Variants in THSD7B observed in about 807,000 individuals in gnomAD.
THSD7B encodes thrombospondin type-1 domain-containing protein 7B.
THSD7B carries 138 observed loss-of-function variants against 213.6 expected under a neutral mutation model. The observed-to-expected ratio is 0.65, with a 90% confidence interval of 0.56 to 0.74. The LOEUF is 0.74. THSD7B is among the 30% of genes least tolerant of loss of function. The pLI, the probability that THSD7B is intolerant of heterozygous loss-of-function variation, is 0.00. For synonymous variants in THSD7B, 742 were observed against 687.0 expected (o/e 1.08, Z -1.25); for missense variants, 1,931 against 1,991.5 (o/e 0.97, Z 0.58).
chr2:137,030,287 A>G (rs532955085), intron 2 of THSD7B, among the ~76,000 whole-genome samples: 31 of 152,350 alleles, frequency 2.0e-4, no homozygotes, highest in African/African-American at 6.0e-4. Context: ...ATATACAAAT[A>G]GATTTAAAGA....
At chr2:137,602,772 T>C in intron 17 of THSD7B, among the ~76,000 whole-genome samples, 1 of 152,160 alleles carries the variant, frequency 6.6e-6, no homozygotes, top group East Asian at 1.9e-4. Context: ...CATGGCCTAA[T>C]TACCTCTTAA....
chr2:136,919,676 T>C (rs997339854), intron 2 of THSD7B, among the ~76,000 whole-genome samples: 12 of 152,206 alleles, frequency 7.9e-5, no homozygotes, highest in African/African-American at 2.9e-4. Flanking sequence ...TAGTTTTTCT[T>C]GGGCCTACTG....
Position 137,409,823 on chromosome 2 carries a change from G to A in THSD7B, c.2696-1786G>A, listed in dbSNP as rs183416409. Among the ~76,000 whole-genome samples the A allele has an allele frequency of 1.1e-3, 166 of 152,332 alleles. 1 individual carries two copies. The highest frequency in any genetic ancestry group is 3.8e-3 in the African/African-American group (157 of 41,580). On this transcript the variant is annotated intron_variant, in intron 13 of 27. Coordinates refer to ENST00000409968, the MANE Select transcript of THSD7B (RefSeq NM_001316349.2). ...TGGAAAGAATATTTCGAGAATGAAA[G>A]TGTAGTCAATACTCTGAACTATCAT...
chr2:137,377,337 G>A (rs549047127), intron 12 of THSD7B, among the ~76,000 whole-genome samples: 1 of 152,054 alleles, frequency 6.6e-6, no homozygotes, highest in African/African-American at 2.4e-5. Flanking sequence ...AATTTTGAAG[G>A]TCATAAGCAT....
At chr2:137,462,231 A>C (rs1034733353) in intron 15 of THSD7B, among the ~76,000 whole-genome samples, 4 of 151,994 alleles carry the variant, frequency 2.6e-5, no homozygotes, top group Non-Finnish European at 5.9e-5. Context: ...CCAGTTAGTC[A>C]CTTAGTAGTC....
intron 5 of THSD7B, among the ~76,000 whole-genome samples, chr2:137,153,434 T>A (rs1679853962): frequency 6.6e-6 from 1 of 152,210 alleles, no homozygotes; most frequent in East Asian, 1.9e-4. Flanking sequence ...TATACACACA[T>A]CTTCCTGCCA....
intron 3 of THSD7B, among the ~76,000 whole-genome samples, chr2:137,088,037 C>T (rs565838199): frequency 8.6e-5 from 13 of 151,820 alleles, no homozygotes; most frequent in African/African-American, 2.9e-4. Flanking sequence ...TTCAGGAGTT[C>T]GATACCAGCC....
At chr2:137,676,144 G>A (rs947354313) in intron 27 of THSD7B, among the ~76,000 whole-genome samples, 1 of 152,194 alleles carries the variant, frequency 6.6e-6, no homozygotes, top group African/African-American at 2.4e-5. Flanking sequence ...TTAAAAACAA[G>A]ACCAGCAGGG....
chr2:137,580,262 T>G (rs943967950), intron 17 of THSD7B, among the ~76,000 whole-genome samples: 3 of 150,326 alleles, frequency 2.0e-5, no homozygotes, highest in African/African-American at 7.3e-5. Flanking sequence ...CAGTTACATT[T>G]AATATCATGT....
chr2:137,470,749 C>T (rs573737450), intron 15 of THSD7B, among the ~76,000 whole-genome samples: 2 of 152,208 alleles, frequency 1.3e-5, no homozygotes, highest in African/African-American at 4.8e-5. Flanking sequence ...GAATTTTCTG[C>T]ATTAAAATTT....
intron 1 of THSD7B, among the ~76,000 whole-genome samples, chr2:136,822,644 C>T (rs1168711053): frequency 2.6e-5 from 4 of 152,154 alleles, no homozygotes; most frequent in Non-Finnish European, 5.9e-5. Flanking sequence ...CTTTTATACC[C>T]TGTTTAAAAT....
At chr2:137,430,191 G>A (rs1216860093) in intron 14 of THSD7B, among the ~76,000 whole-genome samples, 1 of 152,150 alleles carries the variant, frequency 6.6e-6, no homozygotes, top group Admixed American at 6.6e-5. Flanking sequence ...AGGCTACAGT[G>A]AGCTGTGATC....
intron 2 of THSD7B, among the ~76,000 whole-genome samples, chr2:136,987,288 A>T (rs1187996836): frequency 1.3e-5 from 2 of 152,232 alleles, no homozygotes; most frequent in African/African-American, 4.8e-5. Context: ...GATATGCCTT[A>T]TATGGGAAAG....
At chr2:136,885,058 T>C (rs1683693216) in intron 2 of THSD7B, among the ~76,000 whole-genome samples, 2 of 152,186 alleles carry the variant, frequency 1.3e-5, no homozygotes, top group African/African-American at 4.8e-5. Context: ...TGTATTGCAG[T>C]TGAAATTAGC....
At chr2:136,959,548 G>A (rs1475887806) in intron 2 of THSD7B, among the ~76,000 whole-genome samples, 2 of 152,128 alleles carry the variant, frequency 1.3e-5, no homozygotes, top group African/African-American at 4.8e-5. Flanking sequence ...ATTTCATAAA[G>A]TTTTTCAAAT....
chr2:137,104,848 A>G lies in THSD7B; in HGVS notation c.1199+9727A>G, dbSNP rs202061495. The stretch of plus-strand genomic sequence containing the variant: ...TCCTGGACACTTACACCCTCCCAAG[A>G]CTAAACCAGGAAGAAGTCAAATCCC... On this transcript the variant is annotated intron_variant, in intron 4 of 27. Coordinates refer to ENST00000409968, the MANE Select transcript of THSD7B (RefSeq NM_001316349.2). 2.0e-4 allele frequency among the ~76,000 whole-genome samples: 31 copies of G among 152,340 alleles called. No individual in the cohort carries two copies. In the East Asian group the frequency reaches 6.0e-3, roughly 29 times the overall value.
At chr2:137,344,169 G>A (rs1012429044) in intron 12 of THSD7B, among the ~76,000 whole-genome samples, 2 of 151,556 alleles carry the variant, frequency 1.3e-5, no homozygotes, top group African/African-American at 4.8e-5. Context: ...GATAATCTGA[G>A]GTGGAACAGT....
intron 25 of THSD7B, 68 bp from the exon 26 acceptor site, chr2:137,663,315 C>T: frequency 1.5e-6 from 2 of 1,306,044 alleles, no homozygotes; most frequent in South Asian, 3.9e-5. Flanking sequence ...GTGATTTTAA[C>T]ATTATATTTT....
intron 2 of THSD7B, among the ~76,000 whole-genome samples, chr2:137,021,517 G>T (rs1206466338): frequency 1.3e-5 from 2 of 152,194 alleles, no homozygotes; most frequent in East Asian, 1.9e-4. Flanking sequence ...GAGAAAGTTG[G>T]TTATATGAAT....
Sources: allele counts gnomAD v4.1 joint callset (sites outside exome capture counted in the v4.1 genomes callset), GRCh38; gene constraint gnomAD v4.1.1; transcripts MANE v1.5; gene names NCBI Gene and HGNC (gene_info 2026-07-23, HGNC 2026-07-21).